GHR: variants seen among roughly 807,000 people sequenced by gnomAD.
GHR encodes the protein growth hormone receptor.
GHR carries 35 observed loss-of-function variants against 67.1 expected under a neutral mutation model. The observed-to-expected ratio is 0.52, with a 90% CI of 0.40 to 0.69. The LOEUF (loss-of-function observed/expected upper bound fraction) is 0.69, where lower values mean the gene tolerates loss of function less well. GHR is among the 30% of genes least tolerant of loss of function. GHR has a pLI of 0.00. For missense variants in GHR, 792 were observed against 764.6 expected (o/e 1.04, Z -0.42); for synonymous variants, 272 against 269.1 (o/e 1.01, Z -0.10).
rs1334404376 is a variant in GHR at position 42,721,268 on chromosome 5, T to A, written c.*1844T>A. 1 of 152,136 alleles carries A rather than the reference T, an allele frequency of 6.6e-6. No individual in the cohort carries two copies. Among genetic ancestry groups the A allele is most frequent in the Non-Finnish European group, 1.5e-5 (1 of 68,020 alleles). 9.4% of individuals were successfully genotyped at this position (152,136 alleles called of 1,614,324 possible). A position where few individuals can be genotyped will look rare whatever the true frequency, so the allele number is the denominator to read the frequency against. On this transcript the variant is annotated 3_prime_UTR_variant, in exon 10 of 10. Transcript: ENST00000230882. ...GCATTGGGATATCTCCTGAAAAGGT[T>A]TATGAAAAAGAAGAATCTCATCTCA... is the stretch of plus-strand genomic sequence containing the variant.
chr5:42,636,152 G>C (rs571366088), intron 3 of GHR, among the ~76,000 whole-genome samples: 1 of 145,612 alleles, frequency 6.9e-6, no homozygotes, highest in Non-Finnish European at 1.5e-5. Flanking sequence ...GGAGCTTGCA[G>C]TGAGCCGAGA....
At chr5:42,546,919 A>G (rs1277759626) in intron 1 of GHR, among the ~76,000 whole-genome samples, 2 of 152,176 alleles carry the variant, frequency 1.3e-5, no homozygotes, top group Non-Finnish European at 2.9e-5. Context: ...GAGGAGGAAG[A>G]AAAGACATCC....
At chr5:42,568,578 G>A (rs1274338749) in intron 2 of GHR, among the ~76,000 whole-genome samples, 1 of 152,152 alleles carries the variant, frequency 6.6e-6, no homozygotes, top group Non-Finnish European at 1.5e-5. Flanking sequence ...CTTCCAAGGA[G>A]TGCCTGTTAT....
chr5:42,518,973 C>G (rs1027205582), intron 1 of GHR, among the ~76,000 whole-genome samples: 2 of 152,122 alleles, frequency 1.3e-5, no homozygotes, highest in African/African-American at 4.8e-5. Flanking sequence ...TGGAAAGAGT[C>G]GCTAATCGCT....
At chr5:42,447,622 A>G (rs568129658) in intron 1 of GHR, among the ~76,000 whole-genome samples, 1 of 127,092 alleles carries the variant, frequency 7.9e-6, no homozygotes, top group South Asian at 2.6e-4. Context: ...CCCTCCCTCC[A>G]TCTCTCTCTC....
chr5:42,506,947 G>C (rs927130210), intron 1 of GHR, among the ~76,000 whole-genome samples: 2 of 152,156 alleles, frequency 1.3e-5, no homozygotes, highest in Non-Finnish European at 2.9e-5. Context: ...TAGCCAAACT[G>C]CTAATCTTGG....
intron 1 of GHR, among the ~76,000 whole-genome samples, chr5:42,508,331 C>T (rs1380608501): frequency 6.6e-6 from 1 of 152,110 alleles, no homozygotes; most frequent in Non-Finnish European, 1.5e-5. Context: ...AGTAAGTAGG[C>T]ATGGAATCAT....
intron 3 of GHR, among the ~76,000 whole-genome samples, chr5:42,640,685 T>A (rs576338381): frequency 1.3e-5 from 2 of 151,982 alleles, no homozygotes; most frequent in African/African-American, 4.8e-5. Context: ...ACAGCCAAAT[T>A]TGGAAAAAAA....
At chr5:42,474,263 G>GAAAGAAAGAAAGAAAGAA (rs1745149089) in intron 1 of GHR, among the ~76,000 whole-genome samples, 1 of 105,482 alleles carries the variant, frequency 9.5e-6, no homozygotes. Context: ...CAGACAGAAA[G>GAAAGAAAGAAAGAAAGAA]AAAGAAAGAA....
chr5:42,440,561 ACTTAT>A (rs1344726733), intron 1 of GHR, among the ~76,000 whole-genome samples: 2 of 152,200 alleles, frequency 1.3e-5, no homozygotes, highest in Non-Finnish European at 2.9e-5. Context: ...TTTAGTTTTT[ACTTAT>A]CTTAAGAGCA....
At chr5:42,428,443 G>A (rs953052977) in intron 1 of GHR, among the ~76,000 whole-genome samples, 1 of 152,140 alleles carries the variant, frequency 6.6e-6, no homozygotes, top group Non-Finnish European at 1.5e-5. Context: ...GACATGTTCT[G>A]GAGACATTTT....
intron 1 of GHR, among the ~76,000 whole-genome samples, chr5:42,429,403 AC>A (rs1321702075): frequency 2.0e-5 from 3 of 152,208 alleles, no homozygotes; most frequent in Non-Finnish European, 2.9e-5. Flanking sequence ...ACACAGCAAA[AC>A]CATATTACTG....
intron 3 of GHR, chr5:42,659,359 G>T (rs1313582194): frequency 6.6e-6 from 1 of 152,106 alleles, no homozygotes; most frequent in Non-Finnish European, 1.5e-5. Context: ...AGCAGGATGG[G>T]TGTGTTTTAA....
Position 42,472,645 on chromosome 5 carries a change from A to G in GHR, c.-12+48690A>G, listed in dbSNP as rs73753409. On this transcript the variant is annotated intron_variant, in intron 1 of 9. Coordinates refer to ENST00000230882, the MANE Select transcript of GHR (RefSeq NM_000163.5). Reference sequence around the variant, plus strand: ...TATTCTTGGCTGCTTCCAGCTGAGGAGTGGTGGATGGGTGACTAAGGCCTA... The same window carrying G: ...TATTCTTGGCTGCTTCCAGCTGAGGGGTGGTGGATGGGTGACTAAGGCCTA... 7.4e-3 allele frequency among the ~76,000 whole-genome samples: 1,126 copies of G among 152,288 alleles called. 8 individuals are homozygous for G. Among genetic ancestry groups the G allele is most frequent in the African/African-American group, 0.026 (1,061 of 41,554 alleles).
intron 1 of GHR, among the ~76,000 whole-genome samples, chr5:42,489,243 C>T (rs1509462): frequency 0.019 from 2,894 of 152,138 alleles, 160 homozygotes; most frequent in East Asian, 0.13. Context: ...CTTTTTTTCA[C>T]CTTTTTACCT....
chr5:42,701,092 C>T (rs903357448), intron 6 of GHR, among the ~76,000 whole-genome samples: 1 of 152,138 alleles, frequency 6.6e-6, no homozygotes, highest in Admixed American at 6.5e-5. Context: ...GCCACAGACC[C>T]TTGAGGGTCC....
At position 42,712,060 on chromosome 5, in the gene GHR, A is replaced by G. The variant is rs367878225; in HGVS notation, c.784+688A>G. 1.6e-4 allele frequency among the ~76,000 whole-genome samples: 25 copies of G among 152,292 alleles called. No individual in the cohort carries two copies. In the East Asian group the frequency reaches 3.9e-3, roughly 23 times the overall value. On this transcript the variant is annotated intron_variant, in intron 7 of 9. Coordinates refer to ENST00000230882, the MANE Select transcript of GHR (RefSeq NM_000163.5). Reference sequence around the variant, plus strand: ...AAGAAAACTGATTAATGATGAGCAGAAAGTATAGAGTATTATTATTCTCAA... The same window carrying G: ...AAGAAAACTGATTAATGATGAGCAGGAAGTATAGAGTATTATTATTCTCAA...
At chr5:42,545,898 T>G (rs1329846904) in intron 1 of GHR, among the ~76,000 whole-genome samples, 1 of 152,212 alleles carries the variant, frequency 6.6e-6, no homozygotes, top group African/African-American at 2.4e-5. Flanking sequence ...TATTTTTTAT[T>G]AAACCAACAA....
At chr5:42,585,868 G>A (rs1411525970) in intron 2 of GHR, among the ~76,000 whole-genome samples, 1 of 152,104 alleles carries the variant, frequency 6.6e-6, no homozygotes, top group Non-Finnish European at 1.5e-5. Context: ...ATAGCATGAA[G>A]GCATAAAGCT....
Sources: gnomAD v4.1 joint callset for allele counts (sites outside exome capture counted in the v4.1 genomes callset) on GRCh38, gnomAD v4.1.1 for gene constraint, MANE v1.5 for transcripts, NCBI Gene and HGNC (gene_info 2026-07-23, HGNC 2026-07-21) for gene names.